The following CCDC88A variants were observed in gnomAD, a reference collection of about 807,000 sequenced individuals.
CCDC88A encodes girdin.
Under a neutral mutation model 234.3 loss-of-function variants are expected in CCDC88A, and 54 were observed. That is an observed-to-expected ratio of 0.23 (90% CI 0.19 to 0.29). The LOEUF (loss-of-function observed/expected upper bound fraction) is 0.29, where lower values mean the gene tolerates loss of function less well. CCDC88A is among the 10% of genes least tolerant of loss of function. The pLI, the probability that CCDC88A is intolerant of heterozygous loss-of-function variation, is 1.00. For synonymous variants in CCDC88A, 753 were observed against 737.8 expected, an observed-to-expected ratio of 1.02 and a Z score of -0.33; for missense variants, 1,832 against 2,123.4, an observed-to-expected ratio of 0.86 and a Z score of 2.70.
intron 2 of CCDC88A, among the ~76,000 whole-genome samples, chr2:55,401,896 T>A (rs1039009277): frequency 6.6e-6 from 1 of 152,134 alleles, no homozygotes; most frequent in Non-Finnish European, 1.5e-5. Flanking sequence ...ATGCTTTAAT[T>A]TAAAAACTGC....
At position 55,296,579 on chromosome 2, in the gene CCDC88A, C is replaced by G. The variant is rs1330589455; in HGVS notation, c.4826-56G>C. On this transcript the variant is annotated intron_variant, in intron 29 of 32. Transcript: ENST00000436346. ...AATAATAGAATTGAGATTAATACTT[C>G]ATGAGTAATAACATTTGTTGACTGT... 4 of 1,505,004 alleles carry G rather than the reference C, an allele frequency of 2.7e-6. No homozygotes were observed. The African/African-American group carries it at 5.6e-5, about 21-fold the overall frequency. 93.2% of individuals were successfully genotyped at this position (1,505,004 alleles called of 1,614,324 possible).
At chr2:55,353,684 A>T (rs1670188105) in intron 8 of CCDC88A, among the ~76,000 whole-genome samples, 1 of 151,368 alleles carries the variant, frequency 6.6e-6, no homozygotes. Flanking sequence ...CCACAACAAA[A>T]ATCCTTTGTT....
At chr2:55,298,611 A>G (rs1384678783) in intron 29 of CCDC88A, among the ~76,000 whole-genome samples, 1 of 152,116 alleles carries the variant, frequency 6.6e-6, no homozygotes, top group Non-Finnish European at 1.5e-5. Context: ...TAACTATGAT[A>G]TATTGGTCAA....
At chr2:55,306,713 G>A (rs78445205) in intron 25 of CCDC88A, among the ~76,000 whole-genome samples, 1 of 152,034 alleles carries the variant, frequency 6.6e-6, no homozygotes. Flanking sequence ...AGCCTCCTGA[G>A]TAGCTGGTGC....
At chr2:55,294,306 T>G in intron 31 of CCDC88A, 1 of 982,500 alleles carries the variant, frequency 1.0e-6, no homozygotes, top group Non-Finnish European at 1.2e-6. Flanking sequence ...ATTTATCAGA[T>G]GATGAAAAGT....
At position 55,408,153 on chromosome 2, in the gene CCDC88A, T is replaced by A. The variant is rs550198776; in HGVS notation, c.164+10663A>T. ...CATTTTATTCTATTTTATCCACCCA[T>A]TAGTACTGTCTAATCTTGGTCCTAA... On this transcript the variant is annotated intron_variant, in intron 2 of 32. Transcript: ENST00000436346. Among the ~76,000 whole-genome samples the A allele has an allele frequency of 1.6e-4, 25 of 152,166 alleles. No individual in the cohort carries two copies. In the South Asian group the frequency reaches 2.7e-3, roughly 16 times the overall value.
chr2:55,383,860 GAAC>G (rs1675019103), intron 3 of CCDC88A, among the ~76,000 whole-genome samples: 1 of 151,850 alleles, frequency 6.6e-6, no homozygotes, highest in Non-Finnish European at 1.5e-5. Flanking sequence ...AATATAATAA[GAAC>G]AAAAAAATTA....
At chr2:55,327,035 TTTTTG>T (rs1558673762) in intron 17 of CCDC88A, among the ~76,000 whole-genome samples, 1 of 152,210 alleles carries the variant, frequency 6.6e-6, no homozygotes, top group African/African-American at 2.4e-5. Flanking sequence ...TAATGTGTTT[TTTTTG>T]TTTTGTTTTG....
At chr2:55,338,900 G>C (rs1668118362) in intron 13 of CCDC88A, 1 of 151,120 alleles carries the variant, frequency 6.6e-6, no homozygotes, top group Admixed American at 6.6e-5. Context: ...GAAGATATGA[G>C]AGAACCAATT....
At chr2:55,339,675 T>C (rs1668236661) in intron 12 of CCDC88A, 27 bp from the exon 13 acceptor site, 1 of 1,570,412 alleles carries the variant, frequency 6.4e-7, no homozygotes, top group African/African-American at 1.4e-5. Flanking sequence ...TACACCATTG[T>C]ATTTACTCTT....
chr2:55,410,823 G>A (rs1195968795), intron 2 of CCDC88A, among the ~76,000 whole-genome samples: 1 of 151,920 alleles, frequency 6.6e-6, no homozygotes, highest in Non-Finnish European at 1.5e-5. Context: ...AGCCCAGGAG[G>A]CAGAGGTTGC....
rs764101313 is a variant in CCDC88A at position 55,346,346 on chromosome 2, T to G, written c.883-13A>C. The G allele has an allele frequency of 6.0e-6, 9 of 1,504,216 alleles. No homozygotes were observed. Among genetic ancestry groups the G allele is most frequent in the Non-Finnish European group, 8.1e-6 (9 of 1,106,780 alleles). The allele number at this position is 1,504,216 out of a possible 1,614,324, so 93.2% of individuals were successfully genotyped here. A position where few individuals can be genotyped will look rare whatever the true frequency, so the allele number is the denominator to read the frequency against. On this transcript the variant is annotated splice_polypyrimidine_tract_variant and intron_variant, in intron 9 of 32. Coordinates refer to ENST00000436346, the MANE Select transcript of CCDC88A (RefSeq NM_001365480.1). ...GCAAATTCATGTTCTAAACAAAAAT[T>G]TAAAATTATATTTTAATTATTTTCT...
At chr2:55,377,013 T>C (rs1471886359) in intron 3 of CCDC88A, among the ~76,000 whole-genome samples, 2 of 152,026 alleles carry the variant, frequency 1.3e-5, no homozygotes, top group Non-Finnish European at 2.9e-5. Context: ...TTTGTATTTT[T>C]AGTAGAGACA....
chr2:55,309,119 T>A lies in CCDC88A; in HGVS notation c.4172+43A>T. On this transcript the variant is annotated intron_variant, in intron 24 of 32. Coordinates refer to ENST00000436346, the MANE Select transcript of CCDC88A (RefSeq NM_001365480.1). This position sits in a 1 kb window ranked among gnomAD's most constrained non-coding sequence, Gnocchi z 5.1. ...TCACAATATTAGAAATAACCTAGTG[T>A]TTTTTTTCAGAATAAGAATTCATAA... The A allele has an allele frequency of 1.0e-5, 15 of 1,434,032 alleles. No individual in the cohort carries two copies. The highest frequency in any genetic ancestry group is 1.4e-5 in the Non-Finnish European group (14 of 1,028,994). 88.8% of individuals were successfully genotyped at this position (1,434,032 alleles called of 1,614,324 possible). A position where few individuals can be genotyped will look rare whatever the true frequency, so the allele number is the denominator to read the frequency against.
At chr2:55,416,178 T>C (rs909285239) in intron 2 of CCDC88A, among the ~76,000 whole-genome samples, 1 of 151,404 alleles carries the variant, frequency 6.6e-6, no homozygotes, top group Non-Finnish European at 1.5e-5. Flanking sequence ...AACATAGACA[T>C]GGAAGATATA....
chr2:55,308,368 CA>C (rs1681902014), intron 25 of CCDC88A: 2 of 153,346 alleles, frequency 1.3e-5, no homozygotes, highest in Non-Finnish European at 2.9e-5. Context: ...AACTTTGTTC[CA>C]ATGTGACACC....
intron 25 of CCDC88A, 25 bp from the exon 26 acceptor site, chr2:55,303,177 A>C: frequency 7.1e-7 from 1 of 1,400,004 alleles, no homozygotes; most frequent in Non-Finnish European, 9.9e-7. Flanking sequence ...CATGAGGAAA[A>C]ACAGAAACAG....
chr2:55,341,642 A>T (rs1212445390), intron 12 of CCDC88A, among the ~76,000 whole-genome samples: 1 of 147,816 alleles, frequency 6.8e-6, no homozygotes, highest in Non-Finnish European at 1.5e-5. Context: ...ACGGGGTTTC[A>T]CCATATTGGT....
intron 18 of CCDC88A, among the ~76,000 whole-genome samples, chr2:55,319,337 C>G (rs1368817870): frequency 6.6e-6 from 1 of 152,132 alleles, no homozygotes; most frequent in Admixed American, 6.6e-5. Context: ...GGTTTTAATA[C>G]TGCTTGAAGG....
Sources: allele counts gnomAD v4.1 joint callset (sites outside exome capture counted in the v4.1 genomes callset), GRCh38; gene constraint gnomAD v4.1.1; non-coding constraint Gnocchi (gnomAD v3.1); transcripts MANE v1.5; gene names NCBI Gene and HGNC (gene_info 2026-07-23, HGNC 2026-07-21).